Variants in RBPJ observed in about 807,000 individuals in gnomAD.
RBPJ encodes recombining binding protein suppressor of hairless.
In RBPJ, 9 loss-of-function variants were observed where a neutral mutation model predicts 67.8. The ratio of observed to expected loss-of-function variants is 0.13; its 90% CI spans 0.08 to 0.23. The LOEUF (loss-of-function observed/expected upper bound fraction) is 0.23, where lower values mean the gene tolerates loss of function less well. Ranked by LOEUF, RBPJ falls within the 10% of genes least tolerant of loss-of-function variation. The pLI is 1.00. For synonymous variants in RBPJ, 198 were observed against 203.3 expected (o/e 0.97, Z 0.22); for missense variants, 305 against 595.6 (o/e 0.51, Z 5.08).
chr4:26,332,726 C>T (rs1039198490), intron 1 of RBPJ, among the ~76,000 whole-genome samples: 7 of 152,218 alleles, frequency 4.6e-5, no homozygotes, highest in Admixed American at 4.6e-4. Context: ...TCATATCCCA[C>T]TGAAGCCTGA....
chr4:26,123,873 A>G, the RBPJ span, among the ~76,000 whole-genome samples: 1 of 152,220 alleles, frequency 6.6e-6, no homozygotes, highest in African/African-American at 2.4e-5. Flanking sequence ...TCCTAGGATA[A>G]CAGTAGTCTT....
chr4:26,266,878 A>G (rs967825129), intron 1 of RBPJ, among the ~76,000 whole-genome samples: 1 of 152,208 alleles, frequency 6.6e-6, no homozygotes, highest in Non-Finnish European at 1.5e-5. Flanking sequence ...ATTGTGTTAA[A>G]AGTTATTAGT....
At chr4:26,277,664 T>G (rs1721128506) in intron 1 of RBPJ, among the ~76,000 whole-genome samples, 1 of 152,228 alleles carries the variant, frequency 6.6e-6, no homozygotes, top group Admixed American at 6.5e-5. Context: ...TTTGCAGGAT[T>G]TAAAACTAAG....
At chr4:26,250,431 A>G (rs1270619338) in intron 1 of RBPJ, among the ~76,000 whole-genome samples, 2 of 148,486 alleles carry the variant, frequency 1.3e-5, no homozygotes, top group African/African-American at 5.0e-5. Flanking sequence ...TCCTAGATTC[A>G]AGTGATTCTC....
chr4:26,126,431 C>T, the RBPJ span, among the ~76,000 whole-genome samples: 1 of 152,182 alleles, frequency 6.6e-6, no homozygotes, highest in African/African-American at 2.4e-5. Context: ...GAGACAGATA[C>T]TCCTCTCTCT....
At chr4:26,233,206 G>A (rs1719345811) in intron 1 of RBPJ, among the ~76,000 whole-genome samples, 1 of 152,146 alleles carries the variant, frequency 6.6e-6, no homozygotes, top group Non-Finnish European at 1.5e-5. Flanking sequence ...GAATACATTT[G>A]ATAAGAGAAT....
chr4:26,306,261 A>G (rs781238951), intron 1 of RBPJ, among the ~76,000 whole-genome samples: 3 of 151,994 alleles, frequency 2.0e-5, no homozygotes, highest in Non-Finnish European at 4.4e-5. Flanking sequence ...TGAGAGTGGA[A>G]ATTCTTGTTT....
At chr4:26,428,692 C>A (rs774292593) in intron 7 of RBPJ, 28 bp from the exon 8 acceptor site, 1 of 1,580,882 alleles carries the variant, frequency 6.3e-7, no homozygotes, top group Non-Finnish European at 8.7e-7. Flanking sequence ...GTGTGGATGA[C>A]CTTTTATTTC....
intron 1 of RBPJ, among the ~76,000 whole-genome samples, chr4:26,239,620 G>A (rs1719566635): frequency 6.6e-6 from 1 of 151,780 alleles, no homozygotes; most frequent in Admixed American, 6.6e-5. Flanking sequence ...AGGATCCCAG[G>A]ATACATTTTC....
At chr4:26,400,496 A>AT (rs927436802) in intron 2 of RBPJ, among the ~76,000 whole-genome samples, 1 of 118,962 alleles carries the variant, frequency 8.4e-6, no homozygotes, top group African/African-American at 2.6e-5. Flanking sequence ...ATGGGCTATT[A>AT]TTTGACAGGC....
intron 1 of RBPJ, among the ~76,000 whole-genome samples, chr4:26,327,016 A>G (rs1436159287): frequency 1.3e-5 from 2 of 152,090 alleles, no homozygotes; most frequent in African/African-American, 2.4e-5. Context: ...TCTATTTCTT[A>G]CTGCTCTCTT....
intron 1 of RBPJ, among the ~76,000 whole-genome samples, chr4:26,187,995 C>T (rs1238947420): frequency 6.6e-6 from 1 of 152,112 alleles, no homozygotes; most frequent in East Asian, 1.9e-4. Flanking sequence ...CCACTGCACT[C>T]CAGCCTGGGC....
chr4:26,300,427 T>C (rs1040915109), intron 1 of RBPJ, among the ~76,000 whole-genome samples: 4 of 152,212 alleles, frequency 2.6e-5, no homozygotes, highest in African/African-American at 9.6e-5. Flanking sequence ...ATCTACATAG[T>C]GCTAGAGCCT....
intron 1 of RBPJ, among the ~76,000 whole-genome samples, chr4:26,332,885 G>T (rs1487919699): frequency 6.6e-6 from 1 of 152,158 alleles, no homozygotes; most frequent in Admixed American, 6.5e-5. Flanking sequence ...CTGGTCTCTG[G>T]TGATCCTCCC....
At chr4:26,394,728 T>TTAC (rs913315260) in intron 2 of RBPJ, among the ~76,000 whole-genome samples, 28 of 152,302 alleles carry the variant, frequency 1.8e-4, no homozygotes, top group South Asian at 6.2e-4. Flanking sequence ...TAATACTCTG[T>TTAC]TGTACTAAGT....
intron 1 of RBPJ, among the ~76,000 whole-genome samples, chr4:26,328,599 G>C (rs1437657579): frequency 1.2e-4 from 19 of 152,172 alleles, no homozygotes. Flanking sequence ...GGAAGACCTT[G>C]AGTGCTAACC....
chr4:26,160,915 G>T (rs927097933), upstream of RBPJ, among the ~76,000 whole-genome samples: 4 of 152,166 alleles, frequency 2.6e-5, no homozygotes, highest in East Asian at 7.7e-4. Flanking sequence ...TGTTTCTCTT[G>T]CCCGGTCTCC....
intron 1 of RBPJ, among the ~76,000 whole-genome samples, chr4:26,194,538 C>T (rs1717683584): frequency 1.3e-5 from 2 of 152,220 alleles, no homozygotes; most frequent in Non-Finnish European, 2.9e-5. Flanking sequence ...TGCCACACAG[C>T]CTATCAGTGA....
intron 1 of RBPJ, among the ~76,000 whole-genome samples, chr4:26,305,341 T>C (rs1159808017): frequency 3.3e-5 from 5 of 152,212 alleles, no homozygotes; most frequent in Non-Finnish European, 5.9e-5. Context: ...GTGGCTGTCC[T>C]TGTCAGTTTC....
Sources: gnomAD v4.1 joint callset for allele counts (sites outside exome capture counted in the v4.1 genomes callset) on GRCh38, gnomAD v4.1.1 for gene constraint, MANE v1.5 for transcripts, NCBI Gene and HGNC (gene_info 2026-07-23, HGNC 2026-07-21) for gene names.